UBE3C: variants seen among roughly 807,000 people sequenced by gnomAD.
UBE3C encodes the protein ubiquitin-protein ligase E3C.
UBE3C carries 42 observed loss-of-function variants against 129.4 expected under a neutral mutation model. That is an observed-to-expected ratio of 0.32 (90% confidence interval 0.25 to 0.42). The LOEUF (loss-of-function observed/expected upper bound fraction) is 0.42, where lower values mean the gene tolerates loss of function less well. Ranked by LOEUF, UBE3C falls within the 10% of genes least tolerant of loss-of-function variation. The pLI is 1.00. For missense variants in UBE3C, 1,049 were observed against 1,319.1 expected, an observed-to-expected ratio of 0.80 and a Z score of 3.17; for synonymous variants, 510 against 492.4, an observed-to-expected ratio of 1.04 and a Z score of -0.47.
chr7:157,244,541 G>A (rs952996512), intron 18 of UBE3C, among the ~76,000 whole-genome samples: 1 of 152,136 alleles, frequency 6.6e-6, no homozygotes, highest in Non-Finnish European at 1.5e-5. Context: ...AGTTATAAAT[G>A]TTCACTTTAG....
intron 22 of UBE3C, among the ~76,000 whole-genome samples, chr7:157,258,301 A>G (rs572050816): frequency 6.6e-6 from 1 of 152,098 alleles, no homozygotes; most frequent in African/African-American, 2.4e-5. Flanking sequence ...CTGCACACTC[A>G]TGTAGTCCCA....
chr7:157,150,628 G>C (rs565375116), intron 1 of UBE3C, among the ~76,000 whole-genome samples: 14 of 152,118 alleles, frequency 9.2e-5, no homozygotes, highest in Admixed American at 2.0e-4. Flanking sequence ...ATTTAAAATG[G>C]TCATGATGCG....
chr7:157,259,353 T>C (rs538840927), intron 22 of UBE3C, among the ~76,000 whole-genome samples: 2 of 152,296 alleles, frequency 1.3e-5, no homozygotes, highest in African/African-American at 4.8e-5. Context: ...TTTCAAGGGG[T>C]GCAGGCAAGT....
chr7:157,163,958 A>AT, intron 2 of UBE3C, 95 bp downstream of exon 2: 2 of 1,105,210 alleles, frequency 1.8e-6, no homozygotes, highest in Non-Finnish European at 2.7e-6. Context: ...GTGTGTATGT[A>AT]TTTTTTATAT....
chr7:157,192,448 G>A, intron 10 of UBE3C: 3 of 742,816 alleles, frequency 4.0e-6, no homozygotes, highest in Non-Finnish European at 7.4e-6. Flanking sequence ...AAAATGTAAA[G>A]GCCAAGATCC....
intron 10 of UBE3C, chr7:157,189,125 T>C: frequency 2.5e-6 from 1 of 404,912 alleles, no homozygotes; most frequent in African/African-American, 2.0e-5. Flanking sequence ...CTTGGAAGCA[T>C]ATACAAGAAA....
At chr7:157,163,088 A>G (rs1196711501) in intron 1 of UBE3C, among the ~76,000 whole-genome samples, 1 of 152,040 alleles carries the variant, frequency 6.6e-6, no homozygotes, top group East Asian at 1.9e-4. Flanking sequence ...AGCTGTTAGA[A>G]ATGATACCCA....
At chr7:157,195,046 G>A (rs1335646805) in intron 10 of UBE3C, among the ~76,000 whole-genome samples, 3 of 152,216 alleles carry the variant, frequency 2.0e-5, no homozygotes, top group African/African-American at 7.2e-5. Flanking sequence ...GCCTTCTCTA[G>A]AGAAAGTGAT....
At chr7:157,170,482 G>T in intron 4 of UBE3C, 32 bp downstream of exon 4, 3 of 1,480,858 alleles carry the variant, frequency 2.0e-6, no homozygotes, top group Non-Finnish European at 2.7e-6. Flanking sequence ...ACTTGTCCTC[G>T]TTTACACGTG....
At chr7:157,227,166 A>G (rs1331610361) in intron 17 of UBE3C, among the ~76,000 whole-genome samples, 2 of 152,148 alleles carry the variant, frequency 1.3e-5, no homozygotes, top group East Asian at 1.9e-4. Flanking sequence ...GTGACAAAAC[A>G]ATGAGTTTGC....
intron 22 of UBE3C, among the ~76,000 whole-genome samples, chr7:157,261,527 T>C (rs1055051989): frequency 2.0e-5 from 3 of 152,208 alleles, no homozygotes; most frequent in Admixed American, 1.3e-4. Context: ...GAAGTTGTTA[T>C]ATGTTAGACA....
intron 10 of UBE3C, among the ~76,000 whole-genome samples, chr7:157,188,248 G>A (rs1349112524): frequency 1.3e-5 from 2 of 152,176 alleles, no homozygotes; most frequent in African/African-American, 4.8e-5. Flanking sequence ...TTTATAAAAT[G>A]CCATCCCATC....
intron 18 of UBE3C, among the ~76,000 whole-genome samples, chr7:157,246,578 G>A (rs968595941): frequency 1.3e-5 from 2 of 152,186 alleles, no homozygotes; most frequent in African/African-American, 4.8e-5. Flanking sequence ...TCTTAAAACA[G>A]TAGGATAAAG....
chr7:157,224,767 C>T (rs1277341649), intron 16 of UBE3C, among the ~76,000 whole-genome samples: 9 of 122,890 alleles, frequency 7.3e-5, no homozygotes, highest in African/African-American at 2.7e-4. Context: ...ACCCTCCCTG[C>T]ACGTGCGTAC....
chr7:157,191,056 T>C (rs965870254), intron 10 of UBE3C, among the ~76,000 whole-genome samples: 1 of 152,200 alleles, frequency 6.6e-6, no homozygotes, highest in Non-Finnish European at 1.5e-5. Flanking sequence ...AAGAGGTTGA[T>C]GTTATAATTT....
Position 157,248,464 on chromosome 7 carries a change from G to T in UBE3C, c.2578G>T (p.Ala860Ser). 6.2e-7 allele frequency: 1 copy of T among 1,613,530 alleles called. No individual in the cohort carries two copies. Among genetic ancestry groups the T allele is most frequent in the Non-Finnish European group, 8.5e-7 (1 of 1,180,016 alleles). Reference sequence around the variant, plus strand: ...TGCCGACGTGGACATTCACCACCTCGCCTCCCTAGACCCTGAGGTGTATAA... The same window carrying T: ...TGCCGACGTGGACATTCACCACCTCTCCTCCCTAGACCCTGAGGTGTATAA... ...TSADVDIHHL[A>S]SLDPEVYKNL... Residue 860 changes from alanine (A) to serine (S), a missense_variant, in exon 19 of 23, where the codon GCC becomes TCC. Around this residue, in one of 4 missense-constraint regions of UBE3C, gnomAD observed 243 missense variants for 368.7 expected, o/e 0.66. Coordinates refer to ENST00000348165, the MANE Select transcript of UBE3C (RefSeq NM_014671.3).
At chr7:157,201,918 C>CATTCTA (rs1400326174) in intron 11 of UBE3C, 111 bp downstream of exon 11, 1 of 838,674 alleles carries the variant, frequency 1.2e-6, no homozygotes, top group Non-Finnish European at 1.9e-6. Context: ...GGGCTTATTT[C>CATTCTA]ATATTAGAAG....
intron 19 of UBE3C, among the ~76,000 whole-genome samples, chr7:157,253,108 CAT>C (rs1317009960): frequency 7.9e-5 from 12 of 152,116 alleles, no homozygotes; most frequent in African/African-American, 1.7e-4. Flanking sequence ...ATTATGATTA[CAT>C]GTTTATATTG....
At chr7:157,166,334 A>AT (rs989264056) in intron 2 of UBE3C, among the ~76,000 whole-genome samples, 22 of 152,260 alleles carry the variant, frequency 1.4e-4, no homozygotes, top group Admixed American at 8.5e-4. Flanking sequence ...TTTCTAGTTG[A>AT]TTCTTTTTAA....
Sources: allele counts gnomAD v4.1 joint callset (sites outside exome capture counted in the v4.1 genomes callset), GRCh38; gene constraint gnomAD v4.1.1; regional missense constraint gnomAD v4.1.1; transcripts MANE v1.5; gene names NCBI Gene and HGNC (gene_info 2026-07-23, HGNC 2026-07-21).